The following CNTNAP5 variants were observed in gnomAD, a reference collection of about 807,000 sequenced individuals.
The protein encoded by CNTNAP5 is contactin-associated protein-like 5.
CNTNAP5 carries 72 observed loss-of-function variants against 150.2 expected under a neutral mutation model. The observed-to-expected ratio is 0.48, with a 90% CI of 0.40 to 0.58. The LOEUF is 0.58. Among genes scored for constraint, CNTNAP5 ranks in the 20% least tolerant of loss-of-function variants. CNTNAP5 has a pLI of 0.00. For missense variants in CNTNAP5, 1,636 were observed against 1,626.2 expected (o/e 1.01, Z -0.10); for synonymous variants, 672 against 619.8 (o/e 1.08, Z -1.25).
intron 11 of CNTNAP5, among the ~76,000 whole-genome samples, chr2:124,599,062 G>T (rs926761037): frequency 3.9e-5 from 6 of 152,114 alleles, no homozygotes; most frequent in Non-Finnish European, 7.3e-5. Context: ...CTAGTGAGAT[G>T]AACCCGGTAC....
intron 17 of CNTNAP5, among the ~76,000 whole-genome samples, chr2:124,782,966 T>G (rs957450700): frequency 3.9e-5 from 6 of 152,204 alleles, no homozygotes; most frequent in African/African-American, 1.4e-4. Flanking sequence ...CTGTACAGCT[T>G]CCTTTATTAA....
rs1487093401 is a variant in CNTNAP5, at chr2:124,609,833, C to T, written c.1789C>T (p.His597Tyr). 1 of 1,613,836 alleles carries T rather than the reference C, an allele frequency of 6.2e-7. No homozygotes were observed. The highest frequency in any genetic ancestry group is 1.3e-5 in the African/African-American group (1 of 74,912). Residue 597 changes from histidine to tyrosine, a missense_variant, in exon 12 of 24, where the codon CAC becomes TAC. Physicochemically the swap from His to Tyr is moderately conservative, Grantham distance 83. Coordinates refer to ENST00000682447, the MANE Select transcript of CNTNAP5 (RefSeq NM_001367498.1). ...IYEQSCEVYR[H>Y]QGNTAGFFYI... The stretch of plus-strand genomic sequence containing the variant: ...CGAGCAATCCTGCGAGGTGTACAGG[C>T]ACCAGGGGAATACAGCCGGCTTCTT...
At chr2:124,041,168 G>A (rs1216719428) in intron 1 of CNTNAP5, among the ~76,000 whole-genome samples, 1 of 152,118 alleles carries the variant, frequency 6.6e-6, no homozygotes, top group African/African-American at 2.4e-5. Flanking sequence ...ATCAATCCTA[G>A]GGGAGAATGC....
intron 16 of CNTNAP5, among the ~76,000 whole-genome samples, chr2:124,771,278 A>G (rs1681186060): frequency 1.3e-5 from 2 of 152,180 alleles, no homozygotes; most frequent in African/African-American, 4.8e-5. Context: ...AAAAAAAGGA[A>G]TGCCTAGCAT....
intron 3 of CNTNAP5, among the ~76,000 whole-genome samples, chr2:124,246,896 C>T (rs1687043244): frequency 6.6e-6 from 1 of 152,086 alleles, no homozygotes; most frequent in South Asian, 2.1e-4. Flanking sequence ...TATGTTGCCT[C>T]TCCCCAAACA....
rs749648389 is a variant in CNTNAP5, at chr2:124,866,091, A to C, written c.3348+655A>C. ...AGCCTGGCCAACATGGCAAAACCCC[A>C]TCAATACTAAAAAATACAAAAATTA... On this transcript the variant is annotated intron_variant, in intron 20 of 23. Transcript: ENST00000682447. 2.0e-3 allele frequency among the ~76,000 whole-genome samples: 298 copies of C among 150,778 alleles called. 4 individuals carry two copies. The highest frequency in any genetic ancestry group is 6.6e-4 in the Non-Finnish European group (45 of 67,694).
chr2:124,189,681 G>A (rs1468328398), intron 1 of CNTNAP5, among the ~76,000 whole-genome samples: 1 of 152,144 alleles, frequency 6.6e-6, no homozygotes, highest in African/African-American at 2.4e-5. Context: ...TGGGGATTTT[G>A]TTTTGTTTTG....
At chr2:124,357,529 A>G (rs999275967) in intron 3 of CNTNAP5, among the ~76,000 whole-genome samples, 4 of 151,960 alleles carry the variant, frequency 2.6e-5, no homozygotes, top group Admixed American at 2.6e-4. Flanking sequence ...ACATATGGCT[A>G]GCCAGTTTTC....
At chr2:124,904,106 G>T (rs1222704595) in intron 22 of CNTNAP5, among the ~76,000 whole-genome samples, 2 of 141,870 alleles carry the variant, frequency 1.4e-5, no homozygotes, top group Admixed American at 7.1e-5. Flanking sequence ...CTGACTGAAA[G>T]CTTGTACTCT....
In CNTNAP5 at chr2:124,164,732, G is replaced by A. The variant is rs868854366; in HGVS notation, c.83-56973G>A. 9.2e-5 allele frequency among the ~76,000 whole-genome samples: 14 copies of A among 152,128 alleles called. No individual in the cohort carries two copies. The South Asian group carries it at 1.7e-3, about 18-fold the overall frequency. On this transcript the variant is annotated intron_variant, in intron 1 of 23. Coordinates refer to ENST00000682447, the MANE Select transcript of CNTNAP5 (RefSeq NM_001367498.1). ...CACAGGGCCACGTAAATCACATAAG[G>A]AAATGTGGATTTCATTCTAAGCATA...
chr2:124,664,803 C>A (rs533089266), intron 13 of CNTNAP5, among the ~76,000 whole-genome samples: 43 of 152,356 alleles, frequency 2.8e-4, no homozygotes, highest in African/African-American at 9.9e-4. Flanking sequence ...TCTTCTGCTT[C>A]AGCCTCCCGA....
At chr2:124,532,996 T>C (rs1338819535) in intron 10 of CNTNAP5, among the ~76,000 whole-genome samples, 2 of 151,976 alleles carry the variant, frequency 1.3e-5, no homozygotes, top group African/African-American at 4.8e-5. Context: ...TGATCCTTAG[T>C]AGTTTCTGGG....
chr2:124,892,221 T>C (rs1204182210), intron 21 of CNTNAP5, among the ~76,000 whole-genome samples: 1 of 152,164 alleles, frequency 6.6e-6, no homozygotes, highest in African/African-American at 2.4e-5. Context: ...GAGGATGATT[T>C]ATGTTTTTGT....
intron 3 of CNTNAP5, among the ~76,000 whole-genome samples, chr2:124,355,330 C>T (rs1472273724): frequency 6.6e-6 from 1 of 152,102 alleles, no homozygotes; most frequent in Non-Finnish European, 1.5e-5. Flanking sequence ...GTAGAAATCT[C>T]ATTTTAATTT....
intron 19 of CNTNAP5, among the ~76,000 whole-genome samples, chr2:124,831,371 T>G (rs1346063062): frequency 6.6e-6 from 1 of 151,908 alleles, no homozygotes; most frequent in Non-Finnish European, 1.5e-5. Flanking sequence ...ATCATATCCA[T>G]TCCATTCATA....
At chr2:124,875,592 A>C (rs975318743) in intron 21 of CNTNAP5, among the ~76,000 whole-genome samples, 3 of 152,038 alleles carry the variant, frequency 2.0e-5, no homozygotes, top group African/African-American at 7.2e-5. Flanking sequence ...GTATTTCTTG[A>C]AGCTTTATAT....
intron 10 of CNTNAP5, among the ~76,000 whole-genome samples, chr2:124,539,114 G>A (rs1695317256): frequency 1.3e-5 from 2 of 152,332 alleles, no homozygotes; most frequent in African/African-American, 4.8e-5. Context: ...TTGGAAGAGA[G>A]AAGGAGTATA....
At chr2:124,456,518 A>T (rs1213431938) in intron 6 of CNTNAP5, among the ~76,000 whole-genome samples, 1 of 151,988 alleles carries the variant, frequency 6.6e-6, no homozygotes, top group Non-Finnish European at 1.5e-5. Flanking sequence ...AATTCAATAC[A>T]CTCCTCATCA....
chr2:124,401,909 T>C (rs1691435193), intron 3 of CNTNAP5, among the ~76,000 whole-genome samples: 1 of 152,090 alleles, frequency 6.6e-6, no homozygotes, highest in South Asian at 2.1e-4. Context: ...GAGTCTCCAG[T>C]GGGAGAGTCA....
Sources: gnomAD v4.1 joint callset for allele counts (sites outside exome capture counted in the v4.1 genomes callset) on GRCh38, gnomAD v4.1.1 for gene constraint, MANE v1.5 for transcripts, NCBI Gene and HGNC (gene_info 2026-07-23, HGNC 2026-07-21) for gene names.